Variants in FEM1C observed in about 807,000 individuals in gnomAD.
FEM1C encodes protein fem-1 homolog C.
Under a neutral mutation model 37.6 loss-of-function variants are expected in FEM1C, and 15 were observed. The observed-to-expected ratio is 0.40, with a 90% CI of 0.27 to 0.61. The LOEUF is 0.61. FEM1C is among the 20% of genes least tolerant of loss of function. The pLI, the probability that FEM1C is intolerant of heterozygous loss-of-function variation, is 0.42. For missense variants in FEM1C, 532 were observed against 749.7 expected (o/e 0.71, Z 3.39); for synonymous variants, 287 against 272.8 (o/e 1.05, Z -0.51).
chr5:115,535,456 C>T (rs1561559415), intron 2 of FEM1C, among the ~76,000 whole-genome samples: 1 of 151,698 alleles, frequency 6.6e-6, no homozygotes, highest in African/African-American at 2.4e-5. Flanking sequence ...AAAATAGAGA[C>T]AGAGAGAGCC....
At chr5:115,542,851 G>T (rs1754269098) in intron 2 of FEM1C, 99 bp downstream of exon 2, 1 of 1,419,072 alleles carries the variant, frequency 7.0e-7, no homozygotes, top group Non-Finnish European at 9.6e-7. Flanking sequence ...AAACAGGTCT[G>T]TCAATGCTGG....
intron 2 of FEM1C, among the ~76,000 whole-genome samples, chr5:115,532,384 A>G (rs1323956718): frequency 1.3e-5 from 2 of 152,098 alleles, no homozygotes; most frequent in South Asian, 2.1e-4. Context: ...TGCAGACAAA[A>G]TAAGTTCAAA....
At position 115,542,947 on chromosome 5, in the gene FEM1C, C is replaced by T. The variant is rs1561561491; in HGVS notation, c.544+3G>A. On this transcript the variant is annotated splice_donor_region_variant and intron_variant, in intron 2 of 2. Transcript: ENST00000274457. ...TTTAGAAAAACAAAGAAGCTGAACT[C>T]ACCTTTGACACTTTTTCTATTAACA... The T allele has an allele frequency of 6.2e-7, 1 of 1,606,864 alleles. No homozygotes were observed. Among genetic ancestry groups the T allele is most frequent in the Non-Finnish European group, 8.5e-7 (1 of 1,175,964 alleles).
rs149706495 is a variant in FEM1C, at chr5:115,526,681, T to C, written c.545-1064A>G. ...CATAAAATTTCAACAGTCAGTCATTTTAGGCATGTCTGTAGAAAAGAGGTA... is the reference window on the plus strand; with the variant it reads ...CATAAAATTTCAACAGTCAGTCATTCTAGGCATGTCTGTAGAAAAGAGGTA... On this transcript the variant is annotated intron_variant, in intron 2 of 2. Coordinates refer to ENST00000274457, the MANE Select transcript of FEM1C (RefSeq NM_020177.3). Among the ~76,000 whole-genome samples the C allele has an allele frequency of 3.9e-5, 6 of 152,318 alleles. No homozygotes were observed. The East Asian group carries it at 1.2e-3, about 29-fold the overall frequency.
intron 2 of FEM1C, among the ~76,000 whole-genome samples, chr5:115,540,744 G>C (rs1287579793): frequency 1.3e-5 from 2 of 151,982 alleles, no homozygotes; most frequent in African/African-American, 2.4e-5. Context: ...TATAACGGAA[G>C]TAATACCAGT....
chr5:115,538,053 T>C (rs1754163167), intron 2 of FEM1C, among the ~76,000 whole-genome samples: 1 of 152,030 alleles, frequency 6.6e-6, no homozygotes, highest in South Asian at 2.1e-4. Flanking sequence ...AGAGAAATAA[T>C]ATAAAGCCTT....
intron 2 of FEM1C, among the ~76,000 whole-genome samples, chr5:115,539,358 G>C (rs1304566211): frequency 1.3e-5 from 2 of 151,956 alleles, no homozygotes; most frequent in Non-Finnish European, 2.9e-5. Context: ...ACAAACAAAA[G>C]AACCAAAGGA....
rs1753776843 is a variant in FEM1C, at chr5:115,521,608, A to T, written c.*2700T>A. The T allele has an allele frequency of 6.6e-6, 1 of 151,892 alleles. No homozygotes were observed. Among genetic ancestry groups the T allele is most frequent in the Non-Finnish European group, 1.5e-5 (1 of 67,820 alleles). The allele number at this position is 151,892 out of a possible 1,614,324, so 9.4% of individuals were successfully genotyped here. On this transcript the variant is annotated 3_prime_UTR_variant, in exon 3 of 3. Transcript: ENST00000274457. Reference sequence around the variant, plus strand: ...GAACATCTAAAATTCAGGAGGCCCCAAAAGGGCATTTTCATAGAAATGTTA... The same window carrying T: ...GAACATCTAAAATTCAGGAGGCCCCTAAAGGGCATTTTCATAGAAATGTTA...
At chr5:115,536,392 T>C (rs1407314369) in intron 2 of FEM1C, among the ~76,000 whole-genome samples, 2 of 151,970 alleles carry the variant, frequency 1.3e-5, no homozygotes, top group Non-Finnish European at 2.9e-5. Flanking sequence ...CTACTATGCT[T>C]GGCACCAACC....
At chr5:115,538,149 G>A (rs566373410) in intron 2 of FEM1C, among the ~76,000 whole-genome samples, 2 of 152,140 alleles carry the variant, frequency 1.3e-5, no homozygotes, top group South Asian at 4.1e-4. Flanking sequence ...GTTGAAGTAA[G>A]ATGATGAATA....
intron 2 of FEM1C, among the ~76,000 whole-genome samples, chr5:115,526,867 C>T (rs764375708): frequency 3.3e-5 from 5 of 152,034 alleles, no homozygotes; most frequent in Admixed American, 6.6e-5. Flanking sequence ...TATGTAGAAA[C>T]AATGCAGTTT....
intron 2 of FEM1C, among the ~76,000 whole-genome samples, chr5:115,531,360 T>C (rs759463788): frequency 9.2e-5 from 14 of 152,202 alleles, no homozygotes; most frequent in Non-Finnish European, 1.8e-4. Context: ...CTCAAAGCAC[T>C]ATCTGTGTGG....
In FEM1C at chr5:115,521,372, T is replaced by C. The variant is rs1287185119; in HGVS notation, c.*2936A>G. ...AAATAATAGTAGACTGGGGTCTCTA[T>C]ACACATTAAGGTAGTCACTTTACAA... On this transcript the variant is annotated 3_prime_UTR_variant, in exon 3 of 3. Transcript: ENST00000274457. 1 of 151,816 alleles carries C rather than the reference T, an allele frequency of 6.6e-6. No homozygotes were observed. Among genetic ancestry groups the C allele is most frequent in the Non-Finnish European group, 1.5e-5 (1 of 67,782 alleles). The allele number at this position is 151,816 out of a possible 1,614,324, so 9.4% of individuals were successfully genotyped here. A position where few individuals can be genotyped will look rare whatever the true frequency, so the allele number is the denominator to read the frequency against.
intron 2 of FEM1C, among the ~76,000 whole-genome samples, chr5:115,527,571 C>T (rs1309005026): frequency 6.6e-6 from 1 of 152,136 alleles, no homozygotes; most frequent in Admixed American, 6.6e-5. Context: ...ATATTTTAAA[C>T]ACTCTTTTGT....
At chr5:115,535,782 G>C in intron 2 of FEM1C, among the ~76,000 whole-genome samples, 1 of 151,886 alleles carries the variant, frequency 6.6e-6, no homozygotes, top group South Asian at 2.1e-4. Context: ...ATCCACAGAA[G>C]AATTTATCCA....
Position 115,523,291 on chromosome 5 carries a change from T to C in FEM1C, c.*1017A>G, listed in dbSNP as rs1337319672. 6.6e-6 allele frequency: 1 copy of C among 152,482 alleles called. No homozygotes were observed. Among genetic ancestry groups the C allele is most frequent in the Non-Finnish European group, 1.5e-5 (1 of 67,970 alleles). 9.4% of individuals were successfully genotyped at this position (152,482 alleles called of 1,614,324 possible). ...AGCTCTTTTTGTAACTAAAAGTGATTTGCAGTTCAATTACTGAGTATTTCA... is the reference window on the plus strand; with the variant it reads ...AGCTCTTTTTGTAACTAAAAGTGATCTGCAGTTCAATTACTGAGTATTTCA... On this transcript the variant is annotated 3_prime_UTR_variant, in exon 3 of 3. Coordinates refer to ENST00000274457, the MANE Select transcript of FEM1C (RefSeq NM_020177.3).
chr5:115,542,535 T>C (rs1375502738), intron 2 of FEM1C, among the ~76,000 whole-genome samples: 1 of 147,722 alleles, frequency 6.8e-6, no homozygotes, highest in Non-Finnish European at 1.5e-5. Flanking sequence ...ACTCAATAAA[T>C]ATAGTAATTT....
intron 2 of FEM1C, among the ~76,000 whole-genome samples, chr5:115,534,038 TG>T (rs1317128301): frequency 6.6e-6 from 1 of 152,022 alleles, no homozygotes; most frequent in Non-Finnish European, 1.5e-5. Flanking sequence ...GTATTAATTC[TG>T]TTAAAGCATT....
intron 2 of FEM1C, among the ~76,000 whole-genome samples, chr5:115,531,414 G>A (rs568729368): frequency 2.3e-4 from 35 of 152,212 alleles, no homozygotes; most frequent in African/African-American, 6.3e-4. Flanking sequence ...AAAACATTAT[G>A]TGCAGTAAAG....
Sources: allele counts gnomAD v4.1 joint callset (sites outside exome capture counted in the v4.1 genomes callset), GRCh38; gene constraint gnomAD v4.1.1; transcripts MANE v1.5; gene names NCBI Gene and HGNC (gene_info 2026-07-23, HGNC 2026-07-21).